Variants in MGMT observed in about 807,000 individuals in gnomAD.
MGMT encodes the protein methylated-DNA--protein-cysteine methyltransferase.
Under a neutral mutation model 15.9 loss-of-function variants are expected in MGMT, and 14 were observed. The ratio of observed to expected loss-of-function variants is 0.88; its 90% CI spans 0.58 to 1.37. MGMT has a LOEUF of 1.37. Ranked by LOEUF, MGMT falls within the 40% of genes most tolerant of loss-of-function variation. The pLI is 0.00. For synonymous variants in MGMT, 130 were observed against 118.2 expected (o/e 1.10, Z -0.65); for missense variants, 282 against 268.1 (o/e 1.05, Z -0.36).
chr10:129,605,306 G>C (rs755654058), intron 2 of MGMT, among the ~76,000 whole-genome samples: 1 of 151,966 alleles, frequency 6.6e-6, no homozygotes, highest in Non-Finnish European at 1.5e-5. Context: ...TACTATTTGC[G>C]GTCCTTGATC....
intron 3 of MGMT, among the ~76,000 whole-genome samples, chr10:129,733,868 G>C (rs988394112): frequency 0.016 from 2,484 of 152,202 alleles, 116 homozygotes; most frequent in East Asian, 0.13. Context: ...TCAGATAGTT[G>C]TAGATATGCG....
chr10:129,510,794 GTGCTTCC>G (rs1318858248), intron 1 of MGMT, among the ~76,000 whole-genome samples: 1 of 151,346 alleles, frequency 6.6e-6, no homozygotes, highest in African/African-American at 2.4e-5. Context: ...ATGCAGCCAC[GTGCTTCC>G]TGTGATGGGA....
At chr10:129,500,995 C>G (rs1275299776) in intron 1 of MGMT, among the ~76,000 whole-genome samples, 1 of 152,208 alleles carries the variant, frequency 6.6e-6, no homozygotes, top group African/African-American at 2.4e-5. Flanking sequence ...GTTGTACAGA[C>G]TTGTAGAGGT....
At chr10:129,559,110 C>T (rs151007097) in intron 2 of MGMT, among the ~76,000 whole-genome samples, 114 of 152,252 alleles carry the variant, frequency 7.5e-4, no homozygotes, top group Non-Finnish European at 1.1e-3. Context: ...TCTTTGTTTA[C>T]CCTTAGGCAT....
chr10:129,744,938 G>A (rs1330775789), intron 3 of MGMT, among the ~76,000 whole-genome samples: 1 of 152,154 alleles, frequency 6.6e-6, no homozygotes, highest in African/African-American at 2.4e-5. Flanking sequence ...CACCCAGTAG[G>A]CGCTTACTGT....
chr10:129,717,068 G>A (rs1180700782), intron 3 of MGMT, among the ~76,000 whole-genome samples: 2 of 152,222 alleles, frequency 1.3e-5, no homozygotes, highest in Non-Finnish European at 2.9e-5. Flanking sequence ...AGGACTACCT[G>A]AGTGATGGCA....
rs1364204034 is a variant in MGMT at position 129,638,442 on chromosome 10, AAAAG to A, written c.126-69449_126-69446del. On this transcript the variant is annotated intron_variant, in intron 2 of 4. Coordinates refer to ENST00000651593, the MANE Select transcript of MGMT (RefSeq NM_002412.5). Reference sequence around the variant, plus strand: ...GGACCAAAGAGGCAAAAAAAAAAAAAAAAGAAAAAAAAAAGAAAAATAACTGACG... The same window carrying A: ...GGACCAAAGAGGCAAAAAAAAAAAAAAAAAAAAAAAGAAAAATAACTGACG... Among the ~76,000 whole-genome samples the A allele has an allele frequency of 4.7e-4, 57 of 121,266 alleles. 2 individuals are homozygous for A. The highest frequency in any genetic ancestry group is 8.3e-4 in the Non-Finnish European group (46 of 55,322). The allele number at this position is 121,266 out of a possible 152,430, so 79.6% of individuals were successfully genotyped here.
intron 3 of MGMT, among the ~76,000 whole-genome samples, chr10:129,711,568 A>G (rs1178244863): frequency 3.9e-5 from 6 of 152,190 alleles, no homozygotes; most frequent in Non-Finnish European, 5.9e-5. Flanking sequence ...GCATATTCTA[A>G]TTTCTCGTTC....
intron 3 of MGMT, among the ~76,000 whole-genome samples, chr10:129,713,892 G>T (rs1003984374): frequency 2.0e-5 from 3 of 152,192 alleles, no homozygotes; most frequent in African/African-American, 7.2e-5. Context: ...TCATCTGCCG[G>T]CACACGGCCT....
intron 1 of MGMT, among the ~76,000 whole-genome samples, chr10:129,498,239 C>T (rs1176355263): frequency 4.6e-5 from 7 of 152,210 alleles, no homozygotes; most frequent in Admixed American, 4.6e-4. Context: ...TTAGCTTGGT[C>T]ACTGGGTATG....
chr10:129,670,548 AT>A, intron 2 of MGMT, among the ~76,000 whole-genome samples: 1 of 152,238 alleles, frequency 6.6e-6, no homozygotes, highest in Non-Finnish European at 1.5e-5. Flanking sequence ...AATAAAAAAA[AT>A]TTTTGAGAAA....
intron 1 of MGMT, among the ~76,000 whole-genome samples, chr10:129,493,023 G>A (rs1434842196): frequency 6.6e-6 from 1 of 152,178 alleles, no homozygotes; most frequent in East Asian, 1.9e-4. Flanking sequence ...AATCCTGTGG[G>A]TGGAGTGTGG....
At position 129,710,027 on chromosome 10, in the gene MGMT, G is replaced by A. The variant is rs571856574; in HGVS notation, c.274+1984G>A. ...GGCAGTGTTTGCTGCTCCTAGAGCC[G>A]AGGACAGGCGGGCCCCTGGGGCTTC... is the stretch of plus-strand genomic sequence containing the variant. On this transcript the variant is annotated intron_variant, in intron 3 of 4. Transcript: ENST00000651593. 1.6e-3 allele frequency among the ~76,000 whole-genome samples: 239 copies of A among 152,338 alleles called. 1 individual carries two copies. Among genetic ancestry groups the A allele is most frequent in the African/African-American group, 5.4e-3 (225 of 41,590 alleles).
At chr10:129,747,071 AT>A (rs1426901833) in intron 3 of MGMT, among the ~76,000 whole-genome samples, 1 of 152,152 alleles carries the variant, frequency 6.6e-6, no homozygotes, top group African/African-American at 2.4e-5. Context: ...ACATCTAAGT[AT>A]TTTATTTGGT....
At chr10:129,518,355 C>T (rs906265562) in intron 1 of MGMT, among the ~76,000 whole-genome samples, 88 of 150,524 alleles carry the variant, frequency 5.8e-4, no homozygotes, top group Admixed American at 7.3e-4. Flanking sequence ...CACACACACA[C>T]ACACACACAC....
chr10:129,572,085 CAT>C (rs1327030499), intron 2 of MGMT, among the ~76,000 whole-genome samples: 3 of 152,134 alleles, frequency 2.0e-5, no homozygotes, highest in African/African-American at 4.8e-5. Context: ...GATTGATAAA[CAT>C]ATGTAAACCA....
intron 2 of MGMT, among the ~76,000 whole-genome samples, chr10:129,660,690 G>A (rs918870612): frequency 4.6e-5 from 7 of 152,126 alleles, no homozygotes; most frequent in African/African-American, 1.7e-4. Flanking sequence ...ATGTGCTTAG[G>A]TTGCGGGGGG....
chr10:129,647,306 C>T (rs772990164), intron 2 of MGMT, among the ~76,000 whole-genome samples: 2 of 151,922 alleles, frequency 1.3e-5, no homozygotes, highest in Non-Finnish European at 2.9e-5. Context: ...TGTGCACATT[C>T]GACGCTCAAG....
chr10:129,471,946 GTTA>G (rs1050446987), intron 1 of MGMT, among the ~76,000 whole-genome samples: 2 of 152,198 alleles, frequency 1.3e-5, no homozygotes, highest in Admixed American at 6.5e-5. Context: ...AACCCAACAT[GTTA>G]TTATTGCTTT....
Sources: gnomAD v4.1 joint callset for allele counts (sites outside exome capture counted in the v4.1 genomes callset) on GRCh38, gnomAD v4.1.1 for gene constraint, MANE v1.5 for transcripts, NCBI Gene and HGNC (gene_info 2026-07-23, HGNC 2026-07-21) for gene names.